USP8: variants seen among roughly 807,000 people sequenced by gnomAD.
The protein encoded by USP8 is ubiquitin specific peptidase 8.
USP8 carries 27 observed loss-of-function variants against 130.0 expected under a neutral mutation model. The observed-to-expected ratio is 0.21, with a 90% CI of 0.15 to 0.29. The LOEUF is 0.29. USP8 is among the 10% of genes least tolerant of loss of function. USP8 has a pLI of 1.00. For synonymous variants in USP8, 392 were observed against 444.1 expected (o/e 0.88, Z 1.48); for missense variants, 1,029 against 1,312.2 (o/e 0.78, Z 3.33).
chr15:50,484,234 TA>T lies in USP8; in HGVS notation c.1804-38del, dbSNP rs2051873377. On this transcript the variant is annotated intron_variant, in intron 11 of 19. Transcript: ENST00000307179. ...AGTAGCTTTATGTTGGGAGGAGAAT[TA>T]AAGTTTTCTTTCACTTCTGTAATTT... The T allele has an allele frequency of 2.0e-6, 3 of 1,514,134 alleles. No individual in the cohort carries two copies. In the South Asian group the frequency reaches 3.5e-5, roughly 18 times the overall value. The allele number at this position is 1,514,134 out of a possible 1,614,324, so 93.8% of individuals were successfully genotyped here.
chr15:50,442,894 A>G (rs1595909441), intron 3 of USP8, among the ~76,000 whole-genome samples: 1 of 152,344 alleles, frequency 6.6e-6, no homozygotes, highest in Non-Finnish European at 1.5e-5. Flanking sequence ...AATACTGCCT[A>G]TAGAATTTTC....
In USP8 at chr15:50,506,992, C is replaced by T. The variant is rs1187932715; in HGVS notation, c.*7904C>T. 1.9e-5 allele frequency: 2 copies of T among 104,250 alleles called. No individual in the cohort carries two copies. The highest frequency in any genetic ancestry group is 3.3e-4 in the South Asian group (1 of 3,024). The allele number at this position is 104,250 out of a possible 1,614,324, so 6.5% of individuals were successfully genotyped here. ...AAAAAAAAAAAAAAAAAAAAAAAAT[C>T]CAGTTTTAGGCCAAGTGTGGTGGCT... On this transcript the variant is annotated 3_prime_UTR_variant, in exon 20 of 20. Transcript: ENST00000307179.
intron 3 of USP8, among the ~76,000 whole-genome samples, chr15:50,444,861 G>A (rs2050373724): frequency 6.6e-6 from 1 of 152,124 alleles, no homozygotes; most frequent in South Asian, 2.1e-4. Flanking sequence ...GGGCTCAGCT[G>A]ATTCTCTCAC....
chr15:50,454,523 T>C (rs1372744136), intron 4 of USP8, among the ~76,000 whole-genome samples: 1 of 151,032 alleles, frequency 6.6e-6, no homozygotes, highest in Non-Finnish European at 1.5e-5. Context: ...GCACACGATC[T>C]TGGCTTGCTG....
At chr15:50,447,549 G>GT (rs200513335) in intron 3 of USP8, among the ~76,000 whole-genome samples, 123 of 149,212 alleles carry the variant, frequency 8.2e-4, no homozygotes, top group East Asian at 4.9e-3. Flanking sequence ...CCTACTGTTA[G>GT]TTTTTTTTTT....
intron 4 of USP8, among the ~76,000 whole-genome samples, chr15:50,457,571 A>G (rs1380320993): frequency 6.7e-6 from 1 of 149,306 alleles, no homozygotes; most frequent in African/African-American, 2.5e-5. Flanking sequence ...AAAGAAAAAA[A>G]AAAAAAAACA....
chr15:50,463,828 TGTA>T (rs1376639455), intron 6 of USP8, among the ~76,000 whole-genome samples: 35 of 152,214 alleles, frequency 2.3e-4, no homozygotes, highest in Non-Finnish European at 5.0e-4. Flanking sequence ...TCAACTCTCT[TGTA>T]GTGCCTTTTA....
At chr15:50,450,659 C>T (rs2050602227) in intron 4 of USP8, among the ~76,000 whole-genome samples, 1 of 151,802 alleles carries the variant, frequency 6.6e-6, no homozygotes, top group Non-Finnish European at 1.5e-5. Flanking sequence ...TTAGTCGAGA[C>T]GGGGTTTCTC....
chr15:50,428,122 G>T (rs1388703973), intron 1 of USP8, among the ~76,000 whole-genome samples: 3 of 150,840 alleles, frequency 2.0e-5, no homozygotes, highest in Non-Finnish European at 4.4e-5. Context: ...TTAGTTTTTT[G>T]TTTGTTTGTT....
chr15:50,472,023 C>T (rs767825882), intron 8 of USP8, among the ~76,000 whole-genome samples: 18 of 151,524 alleles, frequency 1.2e-4, no homozygotes, highest in Admixed American at 5.9e-4. Flanking sequence ...GCCTCAGCCT[C>T]CTGAGTAGCT....
At chr15:50,475,480 G>A in intron 8 of USP8, among the ~76,000 whole-genome samples, 1 of 151,904 alleles carries the variant, frequency 6.6e-6, no homozygotes, top group Admixed American at 6.6e-5. Flanking sequence ...TTTCTGAAGG[G>A]CAACTGGGCA....
rs1294860886 is a variant in USP8, at chr15:50,505,188, A to G, written c.*6100A>G. 5.9e-5 allele frequency: 9 copies of G among 152,178 alleles called. No homozygotes were observed. Among genetic ancestry groups the G allele is most frequent in the Admixed American group, 1.3e-4 (2 of 15,272 alleles). 9.4% of individuals were successfully genotyped at this position (152,178 alleles called of 1,614,324 possible). On this transcript the variant is annotated 3_prime_UTR_variant, in exon 20 of 20. Transcript: ENST00000307179. ...AATGGCTGAAAATGATTAATGAGAC[A>G]TGAATCTTCACATTTAGGAAATGCA...
In USP8 at chr15:50,508,469, AG is replaced by A. The variant is rs1397647260; in HGVS notation, c.*9383del. On this transcript the variant is annotated 3_prime_UTR_variant, in exon 20 of 20. Coordinates refer to ENST00000307179, the MANE Select transcript of USP8 (RefSeq NM_005154.5). Reference sequence around the variant, plus strand: ...GTTTGAAATATTCTATAATAAAAAAAGGCAGAGAAAGTGGGAGATAGACATT... The same window carrying A: ...GTTTGAAATATTCTATAATAAAAAAAGCAGAGAAAGTGGGAGATAGACATT... The A allele has an allele frequency of 1.3e-5, 2 of 152,218 alleles. No individual in the cohort carries two copies. Among genetic ancestry groups the A allele is most frequent in the South Asian group, 2.1e-4 (1 of 4,830 alleles). 9.4% of individuals were successfully genotyped at this position (152,218 alleles called of 1,614,324 possible). A position where few individuals can be genotyped will look rare whatever the true frequency, so the allele number is the denominator to read the frequency against.
intron 8 of USP8, among the ~76,000 whole-genome samples, chr15:50,473,048 G>A (rs2051433945): frequency 6.6e-6 from 1 of 152,120 alleles, no homozygotes; most frequent in African/African-American, 2.4e-5. Context: ...AGTAAAATAA[G>A]TCGTGGGCAC....
chr15:50,506,289 C>T lies in USP8; in HGVS notation c.*7201C>T, dbSNP rs2052657184. 6.6e-6 allele frequency: 1 copy of T among 152,348 alleles called. No homozygotes were observed. Among genetic ancestry groups the T allele is most frequent in the African/African-American group, 2.4e-5 (1 of 41,432 alleles). 9.4% of individuals were successfully genotyped at this position (152,348 alleles called of 1,614,324 possible). ...GCAGGAAGCGAGCGGCAAACCTACC[C>T]TGAGCACCGCCTCCTGTCAGATCAG... is the stretch of plus-strand genomic sequence containing the variant. On this transcript the variant is annotated 3_prime_UTR_variant, in exon 20 of 20. Transcript: ENST00000307179.
At chr15:50,491,199 A>AG (rs1410506014) in intron 14 of USP8, among the ~76,000 whole-genome samples, 3 of 151,932 alleles carry the variant, frequency 2.0e-5, no homozygotes, top group African/African-American at 4.8e-5. Flanking sequence ...TTTTGGGAGG[A>AG]GGGGGGCAAT....
At chr15:50,494,012 C>T (rs1374524478) in intron 15 of USP8, 58 bp from the exon 16 acceptor site, 1 of 1,567,890 alleles carries the variant, frequency 6.4e-7, no homozygotes, top group African/African-American at 1.4e-5. Context: ...ATCTACTGTA[C>T]CTTGCTTAAC....
intron 10 of USP8, 117 bp from the exon 11 acceptor site, chr15:50,481,364 T>G (rs1385158201): frequency 1.5e-6 from 1 of 672,704 alleles, no homozygotes; most frequent in African/African-American, 1.9e-5. Context: ...CAAATAGATG[T>G]GCTGATAGAT....
intron 5 of USP8, among the ~76,000 whole-genome samples, chr15:50,459,996 C>CCCCCCCTT (rs567135111): frequency 3.3e-5 from 3 of 91,988 alleles, no homozygotes; most frequent in African/African-American, 4.4e-5. Flanking sequence ...CACCCCCCCC[C>CCCCCCCTT]TTTTTTTTTT....
Sources: gnomAD v4.1 joint callset for allele counts (sites outside exome capture counted in the v4.1 genomes callset) on GRCh38, gnomAD v4.1.1 for gene constraint, MANE v1.5 for transcripts, NCBI Gene and HGNC (gene_info 2026-07-23, HGNC 2026-07-21) for gene names.